The following FANK1 variants were observed in gnomAD, a reference collection of about 807,000 sequenced individuals.
The protein encoded by FANK1 is fibronectin type 3 and ankyrin repeat domains protein 1.
Under a neutral mutation model 45.3 loss-of-function variants are expected in FANK1, and 44 were observed. The observed-to-expected ratio is 0.97, with a 90% confidence interval of 0.76 to 1.25. The LOEUF is 1.25. Among genes scored for constraint, FANK1 ranks in the 50% most tolerant of loss-of-function variants. The pLI is 0.00. For missense variants in FANK1, 391 were observed against 424.4 expected (o/e 0.92, Z 0.69); for synonymous variants, 149 against 152.5 (o/e 0.98, Z 0.17).
chr10:125,913,260 T>C (rs549890924), intron 1 of FANK1, among the ~76,000 whole-genome samples: 366 of 152,328 alleles, frequency 2.4e-3, no homozygotes, highest in Non-Finnish European at 4.6e-3. Context: ...TTGCTCATTC[T>C]GCATGACACC....
At chr10:125,903,875 G>A (rs200772382) in intron 1 of FANK1, among the ~76,000 whole-genome samples, 1 of 152,030 alleles carries the variant, frequency 6.6e-6, no homozygotes, top group African/African-American at 2.4e-5. Flanking sequence ...TTGAGACAGA[G>A]TTTCACTCTT....
chr10:125,942,201 T>C (rs1296331895), intron 1 of FANK1, among the ~76,000 whole-genome samples: 1 of 152,214 alleles, frequency 6.6e-6, no homozygotes, highest in Non-Finnish European at 1.5e-5. Flanking sequence ...ATGGGCAGTG[T>C]GCAAGAGCAT....
At chr10:125,995,670 C>G in intron 4 of FANK1, 172 bp downstream of exon 4, 2 of 593,580 alleles carry the variant, frequency 3.4e-6, no homozygotes, top group Non-Finnish European at 3.1e-6. Flanking sequence ...TAAAGATGCT[C>G]ATGAAGCCCC....
intron 1 of FANK1, among the ~76,000 whole-genome samples, chr10:125,923,081 G>GT: frequency 6.6e-6 from 1 of 151,546 alleles, no homozygotes; most frequent in Admixed American, 6.6e-5. Context: ...TTTATGGCAA[G>GT]TTTTTTCATT....
chr10:125,945,792 G>C (rs1225806097), intron 1 of FANK1, among the ~76,000 whole-genome samples: 3 of 152,346 alleles, frequency 2.0e-5, no homozygotes, highest in Admixed American at 2.0e-4. Flanking sequence ...TCCACCTCTG[G>C]GGGCAGGGCA....
chr10:125,921,208 C>G (rs1422539397), intron 1 of FANK1, among the ~76,000 whole-genome samples: 9 of 152,102 alleles, frequency 5.9e-5, no homozygotes, highest in African/African-American at 1.9e-4. Context: ...ATTACCTTGC[C>G]CTTTATAGTA....
intron 1 of FANK1, among the ~76,000 whole-genome samples, chr10:125,927,456 G>A (rs1005856357): frequency 2.0e-5 from 3 of 152,120 alleles, no homozygotes; most frequent in African/African-American, 7.2e-5. Context: ...TGTGCATTCA[G>A]TTTTACTAAT....
At chr10:125,988,966 G>A (rs1323274686) in intron 3 of FANK1, 5 of 544,936 alleles carry the variant, frequency 9.2e-6, no homozygotes, top group Non-Finnish European at 1.6e-5. Context: ...GGCCACAGGG[G>A]TGTGGGCTGG....
At chr10:125,965,326 A>T (rs1950150397) in intron 1 of FANK1, among the ~76,000 whole-genome samples, 1 of 152,238 alleles carries the variant, frequency 6.6e-6, no homozygotes. Flanking sequence ...ATATAAGCTG[A>T]TCCATTTGAA....
chr10:125,994,930 C>A, intron 3 of FANK1: 1 of 985,342 alleles, frequency 1.0e-6, no homozygotes, highest in African/African-American at 1.7e-5. Context: ...CCCTTCTGCC[C>A]CCAGAAGCTC....
At chr10:126,007,827 T>C (rs773469340) in intron 7 of FANK1, among the ~76,000 whole-genome samples, 7 of 152,214 alleles carry the variant, frequency 4.6e-5, no homozygotes, top group Non-Finnish European at 8.8e-5. Context: ...ATATTTATTT[T>C]AAAACACTAA....
rs201018090 is a variant in FANK1 at position 125,969,406 on chromosome 10, AAT to A, written c.14-10753_14-10752del. 1.2e-3 allele frequency among the ~76,000 whole-genome samples: 190 copies of A among 152,154 alleles called. 1 individual carries two copies. The highest frequency in any genetic ancestry group is 9.1e-3 in the South Asian group (44 of 4,824). On this transcript the variant is annotated intron_variant, in intron 1 of 10. Transcript: ENST00000368693. ...TGAGACTTACTTATGACCAAGAAAA[AAT>A]AGTTCTAAAACTTTTGTATAAAAAG...
intron 1 of FANK1, among the ~76,000 whole-genome samples, chr10:125,911,292 C>G (rs996490836): frequency 2.0e-5 from 3 of 152,120 alleles, no homozygotes; most frequent in Admixed American, 2.0e-4. Context: ...AAGCCGTCAG[C>G]AGAAGGAAGA....
At chr10:125,947,592 A>T (rs944305154) in intron 1 of FANK1, among the ~76,000 whole-genome samples, 1 of 151,892 alleles carries the variant, frequency 6.6e-6, no homozygotes, top group African/African-American at 2.4e-5. Flanking sequence ...CACCCAATAC[A>T]AGAGCACCCA....
chr10:125,950,756 T>G (rs1217478767), intron 1 of FANK1, among the ~76,000 whole-genome samples: 18 of 151,060 alleles, frequency 1.2e-4, no homozygotes, highest in East Asian at 7.9e-4. Flanking sequence ...TATACCCAAA[T>G]GACTATAAAT....
intron 1 of FANK1, among the ~76,000 whole-genome samples, chr10:125,911,741 A>C (rs1946029791): frequency 6.6e-6 from 1 of 152,142 alleles, no homozygotes; most frequent in Admixed American, 6.5e-5. Flanking sequence ...AAAAAGCCCT[A>C]ATTTCTTTGG....
At chr10:125,906,942 A>C (rs1297403050) in intron 1 of FANK1, among the ~76,000 whole-genome samples, 1 of 152,202 alleles carries the variant, frequency 6.6e-6, no homozygotes, top group Non-Finnish European at 1.5e-5. Context: ...AGAGTGCCTG[A>C]ATAACATTAT....
chr10:125,999,137 T>A (rs1020718322), intron 6 of FANK1, among the ~76,000 whole-genome samples: 2 of 152,178 alleles, frequency 1.3e-5, no homozygotes, highest in African/African-American at 4.8e-5. Flanking sequence ...GGTGAAAACC[T>A]TTATTTGTGT....
intron 3 of FANK1, among the ~76,000 whole-genome samples, chr10:125,989,933 C>T (rs58488312): frequency 0.011 from 1,641 of 152,244 alleles, 25 homozygotes; most frequent in African/African-American, 0.035. Context: ...CCTTTCTGCT[C>T]CCTCCCATCC....
Sources: gnomAD v4.1 joint callset for allele counts (sites outside exome capture counted in the v4.1 genomes callset) on GRCh38, gnomAD v4.1.1 for gene constraint, MANE v1.5 for transcripts, NCBI Gene and HGNC (gene_info 2026-07-23, HGNC 2026-07-21) for gene names.